Variants in RNF150 observed in about 807,000 individuals in gnomAD.
The protein encoded by RNF150 is ring finger protein 150.
A neutral mutation model predicts 39.3 loss-of-function variants in RNF150; 24 were observed. That is an observed-to-expected ratio of 0.61 (90% CI 0.44 to 0.86). The LOEUF (loss-of-function observed/expected upper bound fraction) is 0.86. Ranked by LOEUF, RNF150 falls within the 40% of genes least tolerant of loss-of-function variation. The probability of loss-of-function intolerance (pLI) is 0.00; values close to 1 mark genes in which losing one functional copy is unlikely to be tolerated. For synonymous variants in RNF150, 255 were observed against 227.3 expected (o/e 1.12, Z -1.10); for missense variants, 502 against 587.8 (o/e 0.85, Z 1.51).
chr4:141,138,593 T>C (rs11934930), intron 1 of RNF150, among the ~76,000 whole-genome samples: 4 of 152,240 alleles, frequency 2.6e-5, no homozygotes, highest in African/African-American at 9.6e-5. Flanking sequence ...TAAAGATATT[T>C]CCTCTTCCCA....
At chr4:140,978,312 G>C (rs1187347118) in intron 1 of RNF150, among the ~76,000 whole-genome samples, 1 of 150,834 alleles carries the variant, frequency 6.6e-6, no homozygotes, top group African/African-American at 2.4e-5. Context: ...GTGTAGATTT[G>C]TCATTACAGT....
At chr4:141,019,033 AATATATATATATATAT>A (rs10527652) in intron 1 of RNF150, among the ~76,000 whole-genome samples, 5,522 of 126,326 alleles carry the variant, frequency 0.044, 237 homozygotes, top group Admixed American at 0.079. Flanking sequence ...ACTGCAAAGA[AATATATATATATATAT>A]ATATATATAT....
intron 1 of RNF150, among the ~76,000 whole-genome samples, chr4:141,052,854 A>G (rs1736829013): frequency 6.6e-6 from 1 of 152,102 alleles, no homozygotes; most frequent in Non-Finnish European, 1.5e-5. Flanking sequence ...CTTATCTGAA[A>G]TCTCCCAAGT....
intron 5 of RNF150, among the ~76,000 whole-genome samples, chr4:140,914,476 G>A (rs1730737111): frequency 6.6e-6 from 1 of 152,228 alleles, no homozygotes; most frequent in South Asian, 2.1e-4. Flanking sequence ...TAAAGCAACT[G>A]CTAAATAGAA....
intron 1 of RNF150, among the ~76,000 whole-genome samples, chr4:141,009,868 A>C (rs73858471): frequency 6.6e-6 from 1 of 152,052 alleles, no homozygotes. Flanking sequence ...GGCATCCCCA[A>C]ATTAGGTATC....
intron 1 of RNF150, among the ~76,000 whole-genome samples, chr4:141,071,237 T>G (rs1199477899): frequency 2.5e-5 from 2 of 80,708 alleles, no homozygotes; most frequent in Non-Finnish European, 4.6e-5. Flanking sequence ...TGTGGTGGGG[T>G]GGGGGGAGGG....
intron 1 of RNF150, among the ~76,000 whole-genome samples, chr4:141,022,642 C>G (rs544725401): frequency 6.6e-6 from 1 of 152,148 alleles, no homozygotes; most frequent in Non-Finnish European, 1.5e-5. Flanking sequence ...CTTTTTCATT[C>G]TGTATATCTA....
Position 140,899,304 on chromosome 4 carries a change from T to C in RNF150, c.1198+11840A>G, listed in dbSNP as rs940894611. Among the ~76,000 whole-genome samples, 7 of 152,302 alleles carry C rather than the reference T, an allele frequency of 4.6e-5. No homozygotes were observed. In the South Asian group the frequency reaches 8.3e-4, roughly 18 times the overall value. On this transcript the variant is annotated intron_variant, in intron 6 of 6. Coordinates refer to ENST00000515673, the MANE Select transcript of RNF150 (RefSeq NM_020724.2). ...TGCTGCAGCTTCCAGATTTTCCAAA[T>C]TGAAAATTCAGGTTTCTATGTAAAA...
intron 6 of RNF150, among the ~76,000 whole-genome samples, chr4:140,891,258 C>A (rs1012970920): frequency 6.6e-6 from 1 of 152,126 alleles, no homozygotes; most frequent in Non-Finnish European, 1.5e-5. Context: ...CATTTGAGCC[C>A]ATTTTACAGC....
intron 1 of RNF150, among the ~76,000 whole-genome samples, chr4:141,079,854 T>G (rs570587560): frequency 1.3e-5 from 2 of 152,340 alleles, no homozygotes; most frequent in African/African-American, 4.8e-5. Flanking sequence ...TCTGTGGGAC[T>G]TGGGGCAAAT....
At chr4:141,133,952 A>G (rs377202849), upstream of RNF150, among the ~76,000 whole-genome samples, 1 of 152,174 alleles carries the variant, frequency 6.6e-6, no homozygotes, top group Non-Finnish European at 1.5e-5. Flanking sequence ...ATGCATTTCT[A>G]ACAAGTTCCC....
In RNF150 at chr4:141,132,449, G is replaced by T; in HGVS notation, c.360C>A (p.Leu120=). ...APTRGKNWIA[L]IPKGNCTYRD... is the part of the protein sequence containing the mutation. ...TGTACGTGCAGTTGCCCTTGGGGAT[G>T]AGGGCTATCCAGTTCTTGCCGCGGG... The change falls in exon 1 of 7, where the codon CTC becomes CTA. Residue 120 remains leucine (L), a synonymous_variant. Transcript: ENST00000515673. The surrounding 1 kb of genome is among the most constrained non-coding windows in gnomAD (Gnocchi z 4.9). 6.2e-7 allele frequency: 1 copy of T among 1,610,724 alleles called. No individual in the cohort carries two copies. Among genetic ancestry groups the T allele is most frequent in the Non-Finnish European group, 8.5e-7 (1 of 1,178,958 alleles).
upstream of RNF150, among the ~76,000 whole-genome samples, chr4:141,137,363 G>A (rs1727042754): frequency 6.6e-6 from 1 of 152,198 alleles, no homozygotes; most frequent in Non-Finnish European, 1.5e-5. Flanking sequence ...AGGAAACAGA[G>A]GATAATGACC....
intron 5 of RNF150, among the ~76,000 whole-genome samples, chr4:140,917,315 C>T (rs1233014913): frequency 6.6e-6 from 1 of 152,090 alleles, no homozygotes; most frequent in East Asian, 1.9e-4. Flanking sequence ...CAGAGACACA[C>T]ATAGGCTCAA....
chr4:140,868,168 TG>T lies in RNF150; in HGVS notation c.*92del. On this transcript the variant is annotated 3_prime_UTR_variant, in exon 7 of 7. Coordinates refer to ENST00000515673, the MANE Select transcript of RNF150 (RefSeq NM_020724.2). The stretch of plus-strand genomic sequence containing the variant: ...GCGCCCTGGAGTTGCCAAGGTGATC[TG>T]GAGGTGTGTGTGTGCCTGGTCCAAG... 1 of 751,504 alleles carries T rather than the reference TG, an allele frequency of 1.3e-6. No individual in the cohort carries two copies. The highest frequency in any genetic ancestry group is 2.4e-6 in the Non-Finnish European group (1 of 420,702). 46.6% of individuals were successfully genotyped at this position (751,504 alleles called of 1,614,324 possible). A position where few individuals can be genotyped will look rare whatever the true frequency, so the allele number is the denominator to read the frequency against.
chr4:141,207,975 C>G (rs13130928), intron 1 of RNF150, among the ~76,000 whole-genome samples: 33,548 of 151,700 alleles, frequency 0.22, 3,904 homozygotes, highest in South Asian at 0.32. Context: ...CAAAAAAAAG[C>G]GTTGAGGAAA....
At chr4:141,012,673 C>T (rs1228422372) in intron 1 of RNF150, among the ~76,000 whole-genome samples, 1 of 148,306 alleles carries the variant, frequency 6.7e-6, no homozygotes, top group African/African-American at 2.5e-5. Flanking sequence ...GTGACAGCTA[C>T]TCAGGAAGCT....
Position 140,860,392 on chromosome 4 carries a change from A to G in RNF150, c.*7869T>C, listed in dbSNP as rs1429663528. The stretch of plus-strand genomic sequence containing the variant: ...CTGAAGTCCAAATGAAAGACTCCCC[A>G]TGCAAATGTCATCAGGAGTGACTTT... On this transcript the variant is annotated 3_prime_UTR_variant, in exon 7 of 7. Coordinates refer to ENST00000515673, the MANE Select transcript of RNF150 (RefSeq NM_020724.2). 1.3e-5 allele frequency: 2 copies of G among 152,174 alleles called. No individual in the cohort carries two copies. Among genetic ancestry groups the G allele is most frequent in the African/African-American group, 4.8e-5 (2 of 41,438 alleles). 9.4% of individuals were successfully genotyped at this position (152,174 alleles called of 1,614,324 possible).
rs879912770 is a variant in RNF150, at chr4:141,030,192, T to TA, written c.485-62320dup. Among the ~76,000 whole-genome samples, 525 of 123,364 alleles carry TA rather than the reference T, an allele frequency of 4.3e-3. 3 individuals are homozygous for TA. Among genetic ancestry groups the TA allele is most frequent in the African/African-American group, 0.014 (455 of 32,626 alleles). 80.9% of individuals were successfully genotyped at this position (123,364 alleles called of 152,430 possible). Reference sequence around the variant, plus strand: ...CTGGGCGACAAAGTGAGACTCCGTCTAAAAAAAAAAAAGCTCAGTATCAGT... The same window carrying TA: ...CTGGGCGACAAAGTGAGACTCCGTCTAAAAAAAAAAAAAGCTCAGTATCAGT... On this transcript the variant is annotated intron_variant, in intron 1 of 6. Coordinates refer to ENST00000515673, the MANE Select transcript of RNF150 (RefSeq NM_020724.2).
Sources: allele counts gnomAD v4.1 joint callset (sites outside exome capture counted in the v4.1 genomes callset), GRCh38; gene constraint gnomAD v4.1.1; non-coding constraint Gnocchi (gnomAD v3.1); transcripts MANE v1.5; gene names NCBI Gene and HGNC (gene_info 2026-07-23, HGNC 2026-07-21).